Variants in CEP112 observed in about 807,000 individuals in gnomAD.
CEP112 encodes centrosomal protein 112, also known as centrosomal protein of 112 kDa.
CEP112 carries 127 observed loss-of-function variants against 153.0 expected under a neutral mutation model. The ratio of observed to expected loss-of-function variants is 0.83; its 90% CI spans 0.72 to 0.96. The LOEUF (loss-of-function observed/expected upper bound fraction) is 0.96, where lower values mean the gene tolerates loss of function less well. Among genes scored for constraint, CEP112 ranks in the 40% least tolerant of loss-of-function variants. The pLI, the probability that CEP112 is intolerant of heterozygous loss-of-function variation, is 0.00. For synonymous variants in CEP112, 358 were observed against 374.4 expected (o/e 0.96, Z 0.51); for missense variants, 1,089 against 1,101.2 (o/e 0.99, Z 0.16).
intron 12 of CEP112, among the ~76,000 whole-genome samples, chr17:66,050,584 G>A (rs61278155): frequency 0.41 from 62,591 of 152,070 alleles, 14,349 homozygotes; most frequent in East Asian, 0.87. Context: ...TTAAAAAGTC[G>A]TATTATCAAA....
In CEP112 at chr17:65,972,920, C is replaced by A. The variant is rs190137388; in HGVS notation, c.1737-11322G>T. On this transcript the variant is annotated intron_variant, in intron 17 of 26. Coordinates refer to ENST00000535342, the MANE Select transcript of CEP112 (RefSeq NM_001199165.4). ...AGCTGGGATTACAGGCACCTGCCAC[C>A]ACACCCAGCTAATTTTTGTATTTTT... 7.3e-3 allele frequency among the ~76,000 whole-genome samples: 1,116 copies of A among 152,256 alleles called. 7 individuals carry two copies. The highest frequency in any genetic ancestry group is 0.013 in the Admixed American group (193 of 15,286).
chr17:65,886,321 C>G (rs1013954717), intron 20 of CEP112, among the ~76,000 whole-genome samples: 2 of 152,126 alleles, frequency 1.3e-5, no homozygotes, highest in African/African-American at 4.8e-5. Flanking sequence ...AAGAAGTTGC[C>G]ATAAAAGAGC....
At chr17:65,691,697 C>A (rs1254537376) in intron 23 of CEP112, among the ~76,000 whole-genome samples, 1 of 152,180 alleles carries the variant, frequency 6.6e-6, no homozygotes, top group South Asian at 2.1e-4. Context: ...GATGAGGTAG[C>A]CTTTCCCCCA....
chr17:65,849,083 G>A (rs1485707806), intron 21 of CEP112, among the ~76,000 whole-genome samples: 2 of 152,188 alleles, frequency 1.3e-5, no homozygotes, highest in Non-Finnish European at 2.9e-5. Context: ...GCTTATCACA[G>A]CTTTGGAGAC....
chr17:66,173,642 G>C (rs1347777218), intron 4 of CEP112, among the ~76,000 whole-genome samples: 2 of 152,050 alleles, frequency 1.3e-5, no homozygotes, highest in African/African-American at 2.4e-5. Context: ...ACTAAGAATC[G>C]TATTTTTCTT....
chr17:66,122,034 A>G (rs539752134), intron 6 of CEP112, among the ~76,000 whole-genome samples: 3 of 152,198 alleles, frequency 2.0e-5, no homozygotes, highest in East Asian at 3.9e-4. Flanking sequence ...AGCTGGGACT[A>G]CAGGTGTGCA....
chr17:66,091,468 G>A (rs1053949879), intron 8 of CEP112, among the ~76,000 whole-genome samples: 10 of 151,958 alleles, frequency 6.6e-5, no homozygotes, highest in Non-Finnish European at 1.5e-5. Flanking sequence ...AATTAAAAGA[G>A]AAATTTAAAA....
At chr17:66,024,696 A>G (rs2065129977) in intron 16 of CEP112, among the ~76,000 whole-genome samples, 1 of 152,190 alleles carries the variant, frequency 6.6e-6, no homozygotes, top group Non-Finnish European at 1.5e-5. Flanking sequence ...TAGAATAATT[A>G]ATATTGTTAA....
At chr17:65,825,896 A>G (rs2056817112) in intron 21 of CEP112, among the ~76,000 whole-genome samples, 1 of 152,144 alleles carries the variant, frequency 6.6e-6, no homozygotes, top group African/African-American at 2.4e-5. Context: ...GTTCTGCCAG[A>G]TTCTGCCTGT....
chr17:65,642,575 A>C (rs2045202840), intron 24 of CEP112, among the ~76,000 whole-genome samples: 1 of 152,214 alleles, frequency 6.6e-6, no homozygotes, highest in Non-Finnish European at 1.5e-5. Context: ...AAAAGAAATA[A>C]TAAAACATGA....
intron 16 of CEP112, among the ~76,000 whole-genome samples, chr17:66,019,093 G>A (rs562257798): frequency 6.6e-6 from 1 of 152,240 alleles, no homozygotes; most frequent in Non-Finnish European, 1.5e-5. Flanking sequence ...GATCAATAAA[G>A]ACCATTACAT....
intron 6 of CEP112, among the ~76,000 whole-genome samples, chr17:66,124,526 T>C (rs927550623): frequency 2.0e-5 from 3 of 151,830 alleles, no homozygotes; most frequent in Admixed American, 2.0e-4. Context: ...CACAATAGCA[T>C]AGTTTTTCCA....
intron 4 of CEP112, among the ~76,000 whole-genome samples, chr17:66,174,790 G>A (rs1273741141): frequency 6.6e-6 from 1 of 152,118 alleles, no homozygotes. Flanking sequence ...TTTAATGTAT[G>A]CTTGTCATAA....
intron 12 of CEP112, among the ~76,000 whole-genome samples, chr17:66,050,029 G>A (rs559942459): frequency 6.6e-6 from 1 of 152,122 alleles, no homozygotes; most frequent in South Asian, 2.1e-4. Flanking sequence ...CAAATTTAAA[G>A]GGCTCAAAAT....
chr17:66,176,798 C>T, intron 3 of CEP112, 32 bp downstream of exon 3: 4 of 1,492,854 alleles, frequency 2.7e-6, no homozygotes, highest in Non-Finnish European at 3.6e-6. Flanking sequence ...TTAAATGAAA[C>T]TAATATATAC....
intron 4 of CEP112, among the ~76,000 whole-genome samples, 156 bp downstream of exon 4, chr17:66,174,888 T>C (rs1284083263): frequency 6.6e-6 from 1 of 151,820 alleles, no homozygotes; most frequent in Non-Finnish European, 1.5e-5. Flanking sequence ...CAGGTATCTA[T>C]TAAATGGCTA....
chr17:65,920,359 C>CAAACAAACAAAAAAAAAAA (rs1178505560), intron 19 of CEP112, among the ~76,000 whole-genome samples: 2 of 29,836 alleles, frequency 6.7e-5, no homozygotes, highest in African/African-American at 2.6e-4. Context: ...AACAAACAAA[C>CAAACAAACAAAAAAAAAAA]AAAATATATA....
chr17:65,958,117 C>CA (rs1314693901), intron 18 of CEP112, among the ~76,000 whole-genome samples: 1 of 151,842 alleles, frequency 6.6e-6, no homozygotes, highest in Non-Finnish European at 1.5e-5. Context: ...TTTGGGGTTC[C>CA]AGGTTTCTCT....
At chr17:66,176,775 T>A in intron 3 of CEP112, 55 bp downstream of exon 3, 1 of 1,367,046 alleles carries the variant, frequency 7.3e-7, no homozygotes, top group Non-Finnish European at 1.0e-6. Flanking sequence ...GGATGATAAC[T>A]TGACGCTTTT....
Sources: gnomAD v4.1 joint callset for allele counts (sites outside exome capture counted in the v4.1 genomes callset) on GRCh38, gnomAD v4.1.1 for gene constraint, MANE v1.5 for transcripts, NCBI Gene and HGNC (gene_info 2026-07-23, HGNC 2026-07-21) for gene names.